Variants in DAB2IP observed in about 807,000 individuals in gnomAD.
DAB2IP encodes the protein disabled homolog 2-interacting protein.
In DAB2IP, 28 loss-of-function variants were observed where a neutral mutation model predicts 107.2. That is an observed-to-expected ratio of 0.26 (90% CI 0.19 to 0.36). The LOEUF (loss-of-function observed/expected upper bound fraction) is 0.36. DAB2IP is among the 10% of genes least tolerant of loss of function. DAB2IP has a pLI of 1.00. For missense variants in DAB2IP, 1,400 were observed against 1,644.7 expected (o/e 0.85, Z 2.57); for synonymous variants, 755 against 706.4 (o/e 1.07, Z -1.09).
At position 121,698,428 on chromosome 9, in the gene DAB2IP, G is replaced by A. The variant is rs1347472398; in HGVS notation, c.229-897G>A. On this transcript the variant is annotated intron_variant, in intron 2 of 15. Transcript: ENST00000408936. This position sits in a 1 kb window ranked among gnomAD's most constrained non-coding sequence, Gnocchi z 4.1. The stretch of plus-strand genomic sequence containing the variant: ...TCTGCCATTAGACCAGGAGCTCTTG[G>A]GATGGGGGAGGTGGGGGATTAAGCT... 6.6e-6 allele frequency among the ~76,000 whole-genome samples: 1 copy of A among 152,226 alleles called. No individual in the cohort carries two copies. The highest frequency in any genetic ancestry group is 2.4e-5 in the African/African-American group (1 of 41,450).
intron 2 of DAB2IP, among the ~76,000 whole-genome samples, chr9:121,690,787 G>C (rs1382662308): frequency 2.6e-5 from 4 of 152,110 alleles, no homozygotes; most frequent in Non-Finnish European, 5.9e-5. Flanking sequence ...CTTTACTTGG[G>C]TGTCCTCTGC....
chr9:121,770,766 C>T (rs748792533), intron 11 of DAB2IP, 42 bp downstream of exon 11: 8 of 1,602,318 alleles, frequency 5.0e-6, no homozygotes, highest in South Asian at 1.1e-5. Flanking sequence ...GGTGCGTGTG[C>T]AGACTAGGCA....
chr9:121,757,190 G>C, intron 4 of DAB2IP, 24 bp downstream of exon 4: 1 of 1,609,512 alleles, frequency 6.2e-7, no homozygotes, highest in Non-Finnish European at 8.5e-7. Flanking sequence ...CAGGGGTTGG[G>C]GTGGACACCC....
rs778836995 is a variant in DAB2IP at position 121,760,805 on chromosome 9, C to T, written c.1170+366C>T. The stretch of plus-strand genomic sequence containing the variant: ...ACACAGGTCCCACAACGCCACCAGC[C>T]GCAGTGAGCCAAACACACGTCCCCT... On this transcript the variant is annotated intron_variant, in intron 6 of 15. Transcript: ENST00000408936. The surrounding 1 kb of genome is among the most constrained non-coding windows in gnomAD (Gnocchi z 5.9). 2.0e-5 allele frequency among the ~76,000 whole-genome samples: 3 copies of T among 152,144 alleles called. No homozygotes were observed. The highest frequency in any genetic ancestry group is 1.9e-4 in the East Asian group (1 of 5,186).
chr9:121,731,901 G>A lies in DAB2IP; in HGVS notation c.363-25112G>A, dbSNP rs143637634. On this transcript the variant is annotated intron_variant, in intron 3 of 15. Transcript: ENST00000408936. ...AAGCATGCATGTGAACTTAGGCCTC[G>A]GACCTCGTGTAGACATGGTGTGGTG... Among the ~76,000 whole-genome samples, 363 of 152,260 alleles carry A rather than the reference G, an allele frequency of 2.4e-3. 1 individual carries two copies. Among genetic ancestry groups the A allele is most frequent in the Middle Eastern group, 0.01 (3 of 294 alleles).
At chr9:121,590,425 C>G (rs1830402677) in intron 1 of DAB2IP, among the ~76,000 whole-genome samples, 1 of 151,946 alleles carries the variant, frequency 6.6e-6, no homozygotes, top group Non-Finnish European at 1.5e-5. Context: ...CCCAGCCTAT[C>G]TGTGAAAAGG....
chr9:121,646,702 G>C (rs12346616), upstream of DAB2IP, among the ~76,000 whole-genome samples: 4 of 152,012 alleles, frequency 2.6e-5, no homozygotes, highest in African/African-American at 9.7e-5. Context: ...TGTGGGCTCC[G>C]ATGCTTCCCC....
Position 121,599,498 on chromosome 9 carries a change from G to C in DAB2IP, c.40+32270G>C, listed in dbSNP as rs1257822956. On this transcript the variant is annotated intron_variant, in intron 1 of 16. Coordinates refer to the DAB2IP transcript ENST00000259371. The surrounding 1 kb of genome is among the most constrained non-coding windows in gnomAD (Gnocchi z 6.9). ...TGGGCGGCTGGGCCTGCGATTGGCAGGGCTGGGCAGGCCGGGTGGCCGCGG... is the reference window on the plus strand; with the variant it reads ...TGGGCGGCTGGGCCTGCGATTGGCACGGCTGGGCAGGCCGGGTGGCCGCGG... Among the ~76,000 whole-genome samples, 2 of 151,980 alleles carry C rather than the reference G, an allele frequency of 1.3e-5. No homozygotes were observed. The highest frequency in any genetic ancestry group is 2.9e-5 in the Non-Finnish European group (2 of 67,946).
chr9:121,623,050 C>T (rs567902437), intron 1 of DAB2IP, among the ~76,000 whole-genome samples: 1 of 152,326 alleles, frequency 6.6e-6, no homozygotes, highest in Admixed American at 6.5e-5. Flanking sequence ...CTGAGCCTTG[C>T]GCCATCTCTC....
At chr9:121,753,392 C>T (rs892487477) in intron 3 of DAB2IP, among the ~76,000 whole-genome samples, 17 of 152,198 alleles carry the variant, frequency 1.1e-4, no homozygotes, top group Non-Finnish European at 2.2e-4. Flanking sequence ...GGCACAGGGT[C>T]GGGAGGATGC....
intron 1 of DAB2IP, among the ~76,000 whole-genome samples, chr9:121,678,089 A>G (rs1000826565): frequency 9.2e-5 from 14 of 152,232 alleles, no homozygotes; most frequent in Non-Finnish European, 1.9e-4. Flanking sequence ...CATCACCACT[A>G]TCCATTCCTA....
At chr9:121,669,029 C>T (rs568694157) in intron 1 of DAB2IP, among the ~76,000 whole-genome samples, 29 of 148,696 alleles carry the variant, frequency 2.0e-4, no homozygotes, top group Admixed American at 4.8e-4. Context: ...AATTCTCGTG[C>T]GTCAGCCTCC....
chr9:121,591,835 TCA>T (rs1230502402), intron 1 of DAB2IP, among the ~76,000 whole-genome samples: 23 of 152,188 alleles, frequency 1.5e-4, no homozygotes, highest in Non-Finnish European at 1.3e-4. Flanking sequence ...TAAGAGGGAC[TCA>T]GACAGTCTCA....
chr9:121,762,708 A>C (rs1482525090), intron 6 of DAB2IP, among the ~76,000 whole-genome samples: 1 of 152,112 alleles, frequency 6.6e-6, no homozygotes, highest in African/African-American at 2.4e-5. Flanking sequence ...AAACTATGAC[A>C]GTTTTTCCTA....
intron 10 of DAB2IP, among the ~76,000 whole-genome samples, chr9:121,769,334 G>A (rs1416168161): frequency 6.6e-6 from 1 of 152,154 alleles, no homozygotes; most frequent in Non-Finnish European, 1.5e-5. Context: ...GCAGCCTTCT[G>A]GACACGATCT....
chr9:121,782,596 G>A lies in DAB2IP; in HGVS notation c.*98G>A, dbSNP rs1835741999. The A allele has an allele frequency of 6.5e-7, 1 of 1,540,624 alleles. No individual in the cohort carries two copies. Among genetic ancestry groups the A allele is most frequent in the Non-Finnish European group, 8.8e-7 (1 of 1,141,580 alleles). ...GGAGGCACCCACGGTTGCAGCCCCA[G>A]CGCGGGTGTCAGGAGGCCGAGCCTC... On this transcript the variant is annotated 3_prime_UTR_variant, in exon 16 of 16. Transcript: ENST00000408936. This position sits in a 1 kb window ranked among gnomAD's most constrained non-coding sequence, Gnocchi z 6.1.
chr9:121,784,308 G>C (rs1316012302), exon 16 of DAB2IP: 1 of 153,666 alleles, frequency 6.5e-6, no homozygotes, highest in African/African-American at 2.4e-5. Context: ...CACACAGGCA[G>C]GGCCTGGCTC....
At chr9:121,765,490 G>A (rs1276055610) in intron 8 of DAB2IP, among the ~76,000 whole-genome samples, 2 of 152,232 alleles carry the variant, frequency 1.3e-5, no homozygotes, top group African/African-American at 4.8e-5. Context: ...CTGGGCCTGT[G>A]GGGGAAGAAA....
chr9:121,656,958 C>T lies in DAB2IP; in HGVS notation c.124+5059C>T, dbSNP rs529568098. On this transcript the variant is annotated intron_variant, in intron 1 of 15. Coordinates refer to ENST00000408936, the Ensembl canonical transcript of DAB2IP. ...CCCTGGCTTTGAGAAGGCCACCTCC[C>T]TTCACAGCCAATGACTTCACTGGGT... Among the ~76,000 whole-genome samples, 4 of 152,338 alleles carry T rather than the reference C, an allele frequency of 2.6e-5. No homozygotes were observed. The South Asian group carries it at 8.3e-4, about 32-fold the overall frequency.
Sources: gnomAD v4.1 joint callset for allele counts (sites outside exome capture counted in the v4.1 genomes callset) on GRCh38, gnomAD v4.1.1 for gene constraint, Gnocchi (gnomAD v3.1) non-coding constraint, MANE v1.5 for transcripts, NCBI Gene and HGNC (gene_info 2026-07-23, HGNC 2026-07-21) for gene names.